DNAJC14: variants seen among roughly 807,000 people sequenced by gnomAD.
DNAJC14 encodes dnaJ homolog subfamily C member 14.
DNAJC14 carries 12 observed loss-of-function variants against 68.8 expected under a neutral mutation model. That is an observed-to-expected ratio of 0.17 (90% CI 0.11 to 0.28). The LOEUF (loss-of-function observed/expected upper bound fraction) is 0.28. Ranked by LOEUF, DNAJC14 falls within the 10% of genes least tolerant of loss-of-function variation. The pLI is 1.00. For synonymous variants in DNAJC14, 350 were observed against 321.5 expected (o/e 1.09, Z -0.95); for missense variants, 764 against 875.6 (o/e 0.87, Z 1.61).
At chr12:55,826,876 T>C (rs1565689850) in intron 2 of DNAJC14, among the ~76,000 whole-genome samples, 1 of 150,876 alleles carries the variant, frequency 6.6e-6, no homozygotes, top group Non-Finnish European at 1.5e-5. Context: ...TATTCCACTC[T>C]CCCTAAAACT....
In DNAJC14 at chr12:55,827,836, C is replaced by T. The variant is rs762949402; in HGVS notation, c.823G>A (p.Ala275Thr). 2.5e-6 allele frequency: 4 copies of T among 1,613,980 alleles called. No individual in the cohort carries two copies. In the South Asian group the frequency reaches 3.3e-5, roughly 13 times the overall value. Reference sequence around the variant, plus strand: ...TCACTGCTTTTCAGTTGCCTGCAGGCATAGATGAGATGGCCACAAGTTTCT... The same window carrying T: ...TCACTGCTTTTCAGTTGCCTGCAGGTATAGATGAGATGGCCACAAGTTTCT... ...YVETCGHLIY[A>T]CRQLKSSDLD... The change falls in exon 2 of 7, where the codon GCC (alanine) becomes ACC (threonine). Residue 275 changes from alanine (A) to threonine (T), a missense_variant. Physicochemically the swap from Ala to Thr is moderately conservative, Grantham distance 58 (BLOSUM62 0). This residue lies in a region of DNAJC14 where 514 missense variants were observed against 521.7 expected (regional missense o/e 0.99). Coordinates refer to ENST00000678005, the MANE Select transcript of DNAJC14 (RefSeq NM_032364.6).
Position 55,821,837 on chromosome 12 carries a change from C to CA in DNAJC14, c.*139dup, listed in dbSNP as rs1880673574. Reference sequence around the variant, plus strand: ...ACACCACTGCACTCCAGCTGGGCAACAGAGCAAGACTCCATCTCAAAAAAT... The same window carrying CA: ...ACACCACTGCACTCCAGCTGGGCAACAAGAGCAAGACTCCATCTCAAAAAAT... On this transcript the variant is annotated 3_prime_UTR_variant, in exon 7 of 7. Transcript: ENST00000678005. 2 of 936,198 alleles carry CA rather than the reference C, an allele frequency of 2.1e-6. No homozygotes were observed. Among genetic ancestry groups the CA allele is most frequent in the African/African-American group, 3.4e-5 (2 of 59,212 alleles). The allele number at this position is 936,198 out of a possible 1,614,324, so 58.0% of individuals were successfully genotyped here. A position where few individuals can be genotyped will look rare whatever the true frequency, so the allele number is the denominator to read the frequency against.
intron 2 of DNAJC14, among the ~76,000 whole-genome samples, chr12:55,824,294 G>A (rs17118026): frequency 6.6e-6 from 1 of 152,046 alleles, no homozygotes; most frequent in African/African-American, 2.4e-5. Flanking sequence ...TTTTTAACTA[G>A]AAAATTCTCA....
At position 55,827,503 on chromosome 12, in the gene DNAJC14, G is replaced by A; in HGVS notation, c.1156C>T (p.Pro386Ser). The change falls in exon 2 of 7, where the codon CCA becomes TCA. Residue 386 changes from proline (P) to serine (S), a missense_variant. Physicochemically the swap from Pro to Ser is moderately conservative, Grantham distance 74. Coordinates refer to ENST00000678005, the MANE Select transcript of DNAJC14 (RefSeq NM_032364.6). Reference sequence around the variant, plus strand: ...ACTATTCTTACCAGCCGCTGCCATGGCCTGCTATCTCTCAGCAGAGTCAAG... The same window carrying A: ...ACTATTCTTACCAGCCGCTGCCATGACCTGCTATCTCTCAGCAGAGTCAAG... ...RCLTLLRDSR[P>S]WQRLVRIVQW... The A allele has an allele frequency of 6.2e-7, 1 of 1,603,866 alleles. No homozygotes were observed. Among genetic ancestry groups the A allele is most frequent in the Non-Finnish European group, 8.5e-7 (1 of 1,171,524 alleles).
intron 2 of DNAJC14, among the ~76,000 whole-genome samples, chr12:55,826,873 C>G (rs141795328): frequency 5.3e-5 from 8 of 151,762 alleles, no homozygotes; most frequent in African/African-American, 1.9e-4. Flanking sequence ...CTTTATTCCA[C>G]TCTCCCTAAA....
chr12:55,824,909 T>C (rs1021014233), intron 2 of DNAJC14, among the ~76,000 whole-genome samples: 6 of 151,938 alleles, frequency 3.9e-5, no homozygotes, highest in African/African-American at 1.5e-4. Flanking sequence ...GGCAGGCAAA[T>C]TGCTTGAGTC....
rs1313616583 is a variant in DNAJC14, at chr12:55,821,858, AAAAT to A, written c.*115_*118del. Reference sequence around the variant, plus strand: ...GCAACAGAGCAAGACTCCATCTCAAAAAATAAAAAGAAAAAGATTCAGTTCCTAG... The same window carrying A: ...GCAACAGAGCAAGACTCCATCTCAAAAAAAAGAAAAAGATTCAGTTCCTAG... On this transcript the variant is annotated 3_prime_UTR_variant, in exon 7 of 7. Coordinates refer to ENST00000678005, the MANE Select transcript of DNAJC14 (RefSeq NM_032364.6). 8.3e-7 allele frequency: 1 copy of A among 1,202,250 alleles called. No individual in the cohort carries two copies. Among genetic ancestry groups the A allele is most frequent in the East Asian group, 2.5e-5 (1 of 40,322 alleles). The allele number at this position is 1,202,250 out of a possible 1,614,324, so 74.5% of individuals were successfully genotyped here.
At chr12:55,823,223 A>T in intron 3 of DNAJC14, 34 bp from the exon 4 acceptor site, 1 of 1,613,858 alleles carries the variant, frequency 6.2e-7, no homozygotes, top group Non-Finnish European at 8.5e-7. Context: ...GTCAGAAGGT[A>T]TTGAGGGAGG....
chr12:55,825,015 C>A (rs1880756355), intron 2 of DNAJC14, among the ~76,000 whole-genome samples: 1 of 151,658 alleles, frequency 6.6e-6, no homozygotes, highest in African/African-American at 2.4e-5. Flanking sequence ...GCCTGTAGTT[C>A]CAGCTACTCA....
At chr12:55,826,846 T>C (rs57167914) in intron 2 of DNAJC14, among the ~76,000 whole-genome samples, 6,875 of 150,682 alleles carry the variant, frequency 0.046, 532 homozygotes, top group African/African-American at 0.16. Flanking sequence ...ACCCGTTAAC[T>C]TTCTACTCTG....
chr12:55,828,889 T>A (rs1880882678), intron 1 of DNAJC14, among the ~76,000 whole-genome samples, 175 bp from the exon 2 acceptor site: 1 of 152,166 alleles, frequency 6.6e-6, no homozygotes, highest in South Asian at 2.1e-4. Flanking sequence ...CCCTGCTTGC[T>A]CCCTCCCCTC....
chr12:55,827,202 A>T (rs1880820717), intron 2 of DNAJC14, 50 bp downstream of exon 2: 1 of 1,393,124 alleles, frequency 7.2e-7, no homozygotes, highest in African/African-American at 1.5e-5. Flanking sequence ...AAAAAAAAAA[A>T]AAAAAATATG....
At chr12:55,829,071 T>G (rs777300113) in intron 1 of DNAJC14, 97 of 991,216 alleles carry the variant, frequency 9.8e-5, no homozygotes, top group Middle Eastern at 5.1e-4. Context: ...GTGGGGGCCA[T>G]GCGGCCCTGG....
intron 6 of DNAJC14, 82 bp downstream of exon 6, chr12:55,822,291 T>C (rs1042999245): frequency 5.8e-6 from 9 of 1,552,022 alleles, no homozygotes; most frequent in Non-Finnish European, 7.9e-6. Flanking sequence ...ACAAGGCCCC[T>C]GGGTGTCCTA....
chr12:55,822,558 A>G lies in DNAJC14; in HGVS notation c.1795+14T>C, dbSNP rs1406329199. On this transcript the variant is annotated intron_variant, in intron 5 of 6. Coordinates refer to ENST00000678005, the MANE Select transcript of DNAJC14 (RefSeq NM_032364.6). ...AGGAAGTATGAGCCTGTATTTCTAGAGGACAGAGAGTACCTGTGATGTCAT... is the reference window on the plus strand; with the variant it reads ...AGGAAGTATGAGCCTGTATTTCTAGGGGACAGAGAGTACCTGTGATGTCAT... The G allele has an allele frequency of 6.2e-7, 1 of 1,614,114 alleles. No individual in the cohort carries two copies. Among genetic ancestry groups the G allele is most frequent in the Admixed American group, 1.7e-5 (1 of 60,018 alleles).
Position 55,827,892 on chromosome 12 carries a change from A to G in DNAJC14, c.767T>C (p.Ile256Thr), listed in dbSNP as rs759006593. ...CTCTCCCACCAATACCAGCAGTTCAATCAGCCACCAAAAGCCTGCCTGTCC... is the reference window on the plus strand; with the variant it reads ...CTCTCCCACCAATACCAGCAGTTCAGTCAGCCACCAAAAGCCTGCCTGTCC... ...QLGQAGFWWL[I>T]ELLVLVGEYV... Residue 256 changes from isoleucine (I) to threonine (T), a missense_variant, in exon 2 of 7, where the codon ATT becomes ACT. Physicochemically the swap from Ile to Thr is moderately conservative, Grantham distance 89. Coordinates refer to ENST00000678005, the MANE Select transcript of DNAJC14 (RefSeq NM_032364.6). 6 of 1,609,796 alleles carry G rather than the reference A, an allele frequency of 3.7e-6. No individual in the cohort carries two copies. Among genetic ancestry groups the G allele is most frequent in the South Asian group, 1.1e-5 (1 of 90,772 alleles).
At chr12:55,824,593 G>T (rs1880746227) in intron 2 of DNAJC14, among the ~76,000 whole-genome samples, 2 of 152,170 alleles carry the variant, frequency 1.3e-5, no homozygotes, top group Non-Finnish European at 2.9e-5. Flanking sequence ...GCAGTGAGAG[G>T]TTCAATAAAA....
upstream of DNAJC14, chr12:55,830,139 C>T (rs988128988): frequency 2.6e-5 from 4 of 152,256 alleles, no homozygotes; most frequent in Admixed American, 1.3e-4. Flanking sequence ...CACGGCCTCC[C>T]CCGCGCTTGA....
rs1482753048 is a variant in DNAJC14, at chr12:55,827,356, C to T, written c.1303G>A (p.Ala435Thr). The T allele has an allele frequency of 1.9e-6, 3 of 1,613,732 alleles. No individual in the cohort carries two copies. Among genetic ancestry groups the T allele is most frequent in the Admixed American group, 3.3e-5 (2 of 59,938 alleles). Reference sequence around the variant, plus strand: ...TTTAGCTCATCCTCAGGAACCCCAGCCATGGTCAAGAGTCGAGCCACTTCC... The same window carrying T: ...TTTAGCTCATCCTCAGGAACCCCAGTCATGGTCAAGAGTCGAGCCACTTCC... Reference protein sequence around the residue: ...EEEVARLLTMAGVPEDELNPF... With the variant: ...EEEVARLLTMTGVPEDELNPF... Residue 435 changes from alanine to threonine, a missense_variant, in exon 2 of 7, where the codon GCT becomes ACT. Ala to Thr is a moderately conservative substitution (Grantham distance 58). Transcript: ENST00000678005.
Sources: allele counts gnomAD v4.1 joint callset (sites outside exome capture counted in the v4.1 genomes callset), GRCh38; gene constraint gnomAD v4.1.1; regional missense constraint gnomAD v4.1.1; transcripts MANE v1.5; gene names NCBI Gene and HGNC (gene_info 2026-07-23, HGNC 2026-07-21).